The following CAST variants were observed in gnomAD, a reference collection of about 807,000 sequenced individuals.
The protein encoded by CAST is MIR583 host.
Under a neutral mutation model 119.6 loss-of-function variants are expected in CAST, and 76 were observed. The ratio of observed to expected loss-of-function variants is 0.64; its 90% CI spans 0.53 to 0.77. The LOEUF (loss-of-function observed/expected upper bound fraction) is 0.77, where lower values mean the gene tolerates loss of function less well. Among genes scored for constraint, CAST ranks in the 30% least tolerant of loss-of-function variants. CAST has a pLI of 0.00. For synonymous variants in CAST, 319 were observed against 331.6 expected (o/e 0.96, Z 0.41); for missense variants, 953 against 946.5 (o/e 1.01, Z -0.09).
the CAST span, among the ~76,000 whole-genome samples, chr5:96,401,513 A>G: frequency 6.6e-6 from 1 of 152,232 alleles, no homozygotes; most frequent in Non-Finnish European, 1.5e-5. Flanking sequence ...AAATAGTAAA[A>G]TCATAAGTCT....
chr5:96,399,884 G>C, the CAST span: 38 of 1,248,462 alleles, frequency 3.0e-5, no homozygotes, highest in African/African-American at 1.5e-5. Context: ...AAATCAGGCA[G>C]AATGGCAAAC....
the CAST span, chr5:96,429,186 G>T: frequency 8.9e-7 from 1 of 1,128,562 alleles, no homozygotes; most frequent in Non-Finnish European, 1.4e-6. Flanking sequence ...TAGAGTATTG[G>T]TTTGAAGACA....
chr5:96,208,248 A>G, the CAST span, among the ~76,000 whole-genome samples: 14 of 148,150 alleles, frequency 9.4e-5, no homozygotes, highest in South Asian at 3.0e-3. Context: ...CAGTTAATCT[A>G]TCTTATTTAT....
At chr5:96,364,504 T>G in the CAST span, among the ~76,000 whole-genome samples, 1,990 of 152,348 alleles carry the variant, frequency 0.013, 26 homozygotes, top group Non-Finnish European at 0.021. Flanking sequence ...CTTCAGAGCC[T>G]GTTATTGGCC....
Position 96,736,226 on chromosome 5 carries a change from A to G in CAST, c.685A>G (p.Lys229Glu). The G allele has an allele frequency of 6.2e-7, 1 of 1,610,278 alleles. No homozygotes were observed. The highest frequency in any genetic ancestry group is 8.5e-7 in the Non-Finnish European group (1 of 1,176,968). Reference protein sequence around the residue: ...PAVPVESKPDKPSGKSGMDAA... With the variant: ...PAVPVESKPDEPSGKSGMDAA... ...TGTGCCAGTTGAATCTAAACCGGATAAACCATCGGGAAAGGTATGAAGACA... is the reference window on the plus strand; with the variant it reads ...TGTGCCAGTTGAATCTAAACCGGATGAACCATCGGGAAAGGTATGAAGACA... Residue 229 changes from lysine (K) to glutamate (E), a missense_variant, in exon 10 of 32, where the codon AAA becomes GAA. Coordinates refer to ENST00000675179, the MANE Select transcript of CAST (RefSeq NM_001750.7).
the CAST span, among the ~76,000 whole-genome samples, chr5:96,315,530 G>A: frequency 4.6e-5 from 7 of 152,226 alleles, no homozygotes; most frequent in African/African-American, 1.4e-4. Flanking sequence ...AGATCAGAAA[G>A]AGAAGTGGGA....
At chr5:96,712,843 T>A (rs1756441730) in intron 3 of CAST, among the ~76,000 whole-genome samples, 1 of 152,190 alleles carries the variant, frequency 6.6e-6, no homozygotes, top group South Asian at 2.1e-4. Context: ...GCTTTTTAAT[T>A]AAGAATATTC....
chr5:96,753,758 C>T (rs1003666999), intron 20 of CAST, among the ~76,000 whole-genome samples: 8 of 152,170 alleles, frequency 5.3e-5, no homozygotes, highest in Admixed American at 3.9e-4. Flanking sequence ...TGGTATGCAA[C>T]TTATCTGTGA....
At chr5:96,279,462 T>G in the CAST span, among the ~76,000 whole-genome samples, 1 of 152,132 alleles carries the variant, frequency 6.6e-6, no homozygotes, top group East Asian at 1.9e-4. Context: ...TGCCCAAGAA[T>G]AATATTATGG....
intron 1 of CAST, among the ~76,000 whole-genome samples, chr5:96,559,387 G>T (rs1746310568): frequency 6.6e-6 from 1 of 152,150 alleles, no homozygotes; most frequent in Non-Finnish European, 1.5e-5. Context: ...GAAATAAGGG[G>T]TATTCAGTTA....
the CAST span, among the ~76,000 whole-genome samples, chr5:96,314,247 C>A: frequency 1.2e-4 from 19 of 152,106 alleles, no homozygotes; most frequent in African/African-American, 4.3e-4. Context: ...TTGACTTTTG[C>A]CATAGTGAGA....
the CAST span, among the ~76,000 whole-genome samples, chr5:96,338,616 A>G: frequency 6.6e-6 from 1 of 152,192 alleles, no homozygotes; most frequent in African/African-American, 2.4e-5. Flanking sequence ...CAATAAGTAG[A>G]AATGTGATTT....
chr5:96,245,300 A>G, the CAST span, among the ~76,000 whole-genome samples: 1 of 152,224 alleles, frequency 6.6e-6, no homozygotes, highest in East Asian at 1.9e-4. Context: ...AGAGCCAGAG[A>G]TAAATAACCA....
the CAST span, among the ~76,000 whole-genome samples, chr5:96,060,973 T>C: frequency 1.3e-5 from 2 of 152,088 alleles, no homozygotes. Flanking sequence ...TTTTGTATGA[T>C]ATGTTTGTGG....
At chr5:96,493,137 A>AT in the CAST span, among the ~76,000 whole-genome samples, 1 of 152,196 alleles carries the variant, frequency 6.6e-6, no homozygotes, top group African/African-American at 2.4e-5. Context: ...TCACTGATTT[A>AT]TTTTTTTAAA....
At chr5:96,635,114 A>G (rs1163785989) in intron 1 of CAST, among the ~76,000 whole-genome samples, 1 of 152,228 alleles carries the variant, frequency 6.6e-6, no homozygotes, top group Non-Finnish European at 1.5e-5. Flanking sequence ...TCCTAAGAGA[A>G]AGAGCATCCC....
chr5:96,702,208 C>T (rs1257650721), intron 3 of CAST, among the ~76,000 whole-genome samples: 1 of 149,452 alleles, frequency 6.7e-6, no homozygotes, highest in African/African-American at 2.4e-5. Context: ...ATTATTTTCT[C>T]TAACTCTTAT....
the CAST span, among the ~76,000 whole-genome samples, chr5:96,207,893 C>G: frequency 6.6e-6 from 1 of 151,926 alleles, no homozygotes; most frequent in Admixed American, 6.6e-5. Context: ...CTTTATGTGT[C>G]TAGTAGAATT....
the CAST span, among the ~76,000 whole-genome samples, chr5:96,315,789 T>C: frequency 6.6e-6 from 1 of 152,180 alleles, no homozygotes; most frequent in African/African-American, 2.4e-5. Context: ...TTCTGTTTCT[T>C]AGAACACTAT....
Sources: allele counts gnomAD v4.1 joint callset (sites outside exome capture counted in the v4.1 genomes callset), GRCh38; gene constraint gnomAD v4.1.1; transcripts MANE v1.5; gene names NCBI Gene and HGNC (gene_info 2026-07-23, HGNC 2026-07-21).